DGKA: variants seen among roughly 807,000 people sequenced by gnomAD.
The protein encoded by DGKA is diacylglycerol kinase alpha, also known as 80 kDa diacylglycerol kinase.
DGKA carries 35 observed loss-of-function variants against 105.0 expected under a neutral mutation model. The ratio of observed to expected loss-of-function variants is 0.33; its 90% CI spans 0.25 to 0.44. The LOEUF (loss-of-function observed/expected upper bound fraction) is 0.44. Among genes scored for constraint, DGKA ranks in the 20% least tolerant of loss-of-function variants. The pLI, the probability that DGKA is intolerant of heterozygous loss-of-function variation, is 1.00. For missense variants in DGKA, 665 were observed against 915.0 expected, an observed-to-expected ratio of 0.73 and a Z score of 3.53; for synonymous variants, 296 against 332.0, an observed-to-expected ratio of 0.89 and a Z score of 1.18.
chr12:55,936,134 A>G (rs1453015951), intron 1 of DGKA: 3 of 708,088 alleles, frequency 4.2e-6, no homozygotes, highest in South Asian at 4.2e-5. Flanking sequence ...GCGGGTGGGA[A>G]GGTGAGGGTG....
intron 1 of DGKA, among the ~76,000 whole-genome samples, chr12:55,934,467 C>G (rs562645705): frequency 5.6e-4 from 85 of 152,120 alleles, no homozygotes; most frequent in Non-Finnish European, 9.7e-4. Flanking sequence ...TCCCAGAGAG[C>G]TGCTGGAATA....
chr12:55,937,443 A>C lies in DGKA; in HGVS notation c.174A>C (p.Lys58Asn). Residue 58 changes from lysine (K) to asparagine (N), a missense_variant, in exon 4 of 24, where the codon AAA becomes AAC. Around this residue, in one of 3 missense-constraint regions of DGKA, gnomAD observed 504 missense variants for 681.2 expected, o/e 0.74. Transcript: ENST00000331886. Reference protein sequence around the residue: ...IGYEGFQQFLKIYLEVDNVPR... With the variant: ...IGYEGFQQFLNIYLEVDNVPR... ...ACGAGGGATTCCAGCAATTCCTGAA[A>C]ATCTATCTCGAAGTGGATAATGTTC... The C allele has an allele frequency of 6.2e-7, 1 of 1,614,174 alleles. No homozygotes were observed. The highest frequency in any genetic ancestry group is 8.5e-7 in the Non-Finnish European group (1 of 1,180,032).
intron 9 of DGKA, chr12:55,939,856 C>T: frequency 1.7e-6 from 1 of 594,432 alleles, no homozygotes; most frequent in Non-Finnish European, 3.0e-6. Flanking sequence ...TCAGTTCCTG[C>T]CTGGCACATG....
chr12:55,939,280 T>A lies in DGKA; in HGVS notation c.569T>A (p.Leu190Gln), dbSNP rs768865468. ...CGGGCTGGGGCCACCACCGTGCCAC[T>A]GCTAGTGCTGCTGGGTCTGGAGATG... Reference protein sequence around the residue: ...WVRAGATTVPLLVLLGLEMTL... With the variant: ...WVRAGATTVPQLVLLGLEMTL... The change falls in exon 8 of 24, where the codon CTG becomes CAG. Residue 190 changes from leucine to glutamine, a missense_variant. This residue lies in a region of DGKA where 504 missense variants were observed against 681.2 expected (regional missense o/e 0.74). Coordinates refer to ENST00000331886, the MANE Select transcript of DGKA (RefSeq NM_001345.5). 2.5e-6 allele frequency: 4 copies of A among 1,614,136 alleles called. No homozygotes were observed. The highest frequency in any genetic ancestry group is 2.5e-6 in the Non-Finnish European group (3 of 1,179,994).
At position 55,951,822 on chromosome 12, in the gene DGKA, G is replaced by T. The variant is rs111281132; in HGVS notation, c.1587+39G>T. ...GGCCTGGGGAGAAGGGAGAAAGGGG[G>T]GGCCAAGCAGTCAGAGGCTGGAGGA... On this transcript the variant is annotated intron_variant, in intron 18 of 23. Coordinates refer to ENST00000331886, the MANE Select transcript of DGKA (RefSeq NM_001345.5). 5.0e-4 allele frequency: 801 copies of T among 1,603,416 alleles called. 3 individuals carry two copies. In the African/African-American group the frequency reaches 9.2e-3, roughly 18 times the overall value.
intron 6 of DGKA, 79 bp downstream of exon 6, chr12:55,938,639 G>A: frequency 6.2e-7 from 1 of 1,610,078 alleles, no homozygotes; most frequent in Non-Finnish European, 8.5e-7. Flanking sequence ...CTCTTCCAGG[G>A]TCTTAAGAAA....
At chr12:55,927,678 AC>A (rs1469040906), upstream of DGKA, 1 of 1,536,288 alleles carries the variant, frequency 6.5e-7, no homozygotes, top group African/African-American at 1.4e-5. Context: ...ACCACCAGAG[AC>A]CCGCGGGAGG....
At chr12:55,945,493 T>C (rs1187029186) in intron 17 of DGKA, among the ~76,000 whole-genome samples, 1 of 152,238 alleles carries the variant, frequency 6.6e-6, no homozygotes, top group Non-Finnish European at 1.5e-5. Context: ...CAGTTCTGGA[T>C]GAGAGAAGTC....
intron 23 of DGKA, 80 bp from the exon 24 acceptor site, chr12:55,953,605 A>G: frequency 6.7e-7 from 1 of 1,497,502 alleles, no homozygotes; most frequent in South Asian, 1.1e-5. Context: ...CCCAAACCCC[A>G]CAGATTTCCC....
In DGKA at chr12:55,941,070, G is replaced by A. The variant is rs1205997455; in HGVS notation, c.1101+90G>A. The A allele has an allele frequency of 1.9e-5, 27 of 1,447,630 alleles. No individual in the cohort carries two copies. The Admixed American group carries it at 2.3e-4, about 12-fold the overall frequency. The allele number at this position is 1,447,630 out of a possible 1,614,324, so 89.7% of individuals were successfully genotyped here. ...GGGAATGAAGTGGGAGAGCCTGGTG[G>A]GGAGCGGTTGATGCTCACTCTCCAG... On this transcript the variant is annotated intron_variant, in intron 13 of 23. Transcript: ENST00000331886.
chr12:55,943,158 T>C (rs1886351419), intron 17 of DGKA: 1 of 152,268 alleles, frequency 6.6e-6, no homozygotes, highest in Non-Finnish European at 1.5e-5. Context: ...TTGTTTTGTA[T>C]TAGTTGCCTT....
In DGKA at chr12:55,952,961, G is replaced by A. The variant is rs1315607959; in HGVS notation, c.1942+29G>A. The A allele has an allele frequency of 1.2e-6, 2 of 1,614,074 alleles. No homozygotes were observed. Among genetic ancestry groups the A allele is most frequent in the Admixed American group, 1.7e-5 (1 of 60,024 alleles). ...AGAGGAGCAGCCTTGGGAGCTGAGT[G>A]GGCAGGACGAAGGGAAAGTGTGACT... On this transcript the variant is annotated intron_variant, in intron 21 of 23. Coordinates refer to ENST00000331886, the MANE Select transcript of DGKA (RefSeq NM_001345.5). The surrounding 1 kb of genome is among the most constrained non-coding windows in gnomAD (Gnocchi z 5.1).
chr12:55,940,638 C>A lies in DGKA; in HGVS notation c.933C>A (p.Cys311Ter). The A allele has an allele frequency of 6.3e-7, 1 of 1,583,680 alleles. No homozygotes were observed. The highest frequency in any genetic ancestry group is 8.6e-7 in the Non-Finnish European group (1 of 1,167,698). ...VWCHLEIHDD[C>*]LQAVGHECDC... ...TCGTCTTTCAGATCCACGATGACTG[C>A]CTGCAAGCGGTGGGCCATGAGTGTG... Residue 311 changes from cysteine to a stop codon, truncating the protein, a stop_gained, in exon 12 of 24, where the codon TGC becomes TGA. Coordinates refer to ENST00000331886, the MANE Select transcript of DGKA (RefSeq NM_001345.5). LOFTEE classifies it high-confidence loss of function. The surrounding 1 kb of genome is among the most constrained non-coding windows in gnomAD (Gnocchi z 4.3).
At position 55,940,017 on chromosome 12, in the gene DGKA, T is replaced by C. The variant is rs1045986572; in HGVS notation, c.710-65T>C. 3.5e-6 allele frequency: 5 copies of C among 1,417,170 alleles called. No homozygotes were observed. In the Admixed American group the frequency reaches 6.7e-5, roughly 19 times the overall value. 87.8% of individuals were successfully genotyped at this position (1,417,170 alleles called of 1,614,324 possible). ...TCACATATCTGATCCTGCCTCACCC[T>C]CAGGTAAGAAGGAAATAGGGGGAGA... On this transcript the variant is annotated intron_variant, in intron 9 of 23. Coordinates refer to ENST00000331886, the MANE Select transcript of DGKA (RefSeq NM_001345.5). This position sits in a 1 kb window ranked among gnomAD's most constrained non-coding sequence, Gnocchi z 4.3.
chr12:55,939,103 G>C, intron 7 of DGKA, 83 bp from the exon 8 acceptor site: 1 of 1,604,876 alleles, frequency 6.2e-7, no homozygotes, highest in South Asian at 1.1e-5. Context: ...GGATGGCTGG[G>C]CTGGATATCC....
chr12:55,940,748 G>A lies in DGKA; in HGVS notation c.1017+26G>A. ...GTGAGACCCTCGGCAGCAGCGGGGAGGGGACAGGAGTGCCTCCCCGATTTC... is the reference window on the plus strand; with the variant it reads ...GTGAGACCCTCGGCAGCAGCGGGGAAGGGACAGGAGTGCCTCCCCGATTTC... On this transcript the variant is annotated intron_variant, in intron 12 of 23. Coordinates refer to ENST00000331886, the MANE Select transcript of DGKA (RefSeq NM_001345.5). The surrounding 1 kb of genome is among the most constrained non-coding windows in gnomAD (Gnocchi z 4.3). 1 of 1,611,448 alleles carries A rather than the reference G, an allele frequency of 6.2e-7. No individual in the cohort carries two copies. Among genetic ancestry groups the A allele is most frequent in the Non-Finnish European group, 8.5e-7 (1 of 1,178,578 alleles).
rs184682411 is a variant in DGKA at position 55,941,118 on chromosome 12, G to T, written c.1102-134G>T. 2,048 of 1,340,876 alleles carry T rather than the reference G, an allele frequency of 1.5e-3. 3 individuals carry two copies. Among genetic ancestry groups the T allele is most frequent in the Admixed American group, 1.8e-3 (89 of 49,468 alleles). 83.1% of individuals were successfully genotyped at this position (1,340,876 alleles called of 1,614,324 possible). A position where few individuals can be genotyped will look rare whatever the true frequency, so the allele number is the denominator to read the frequency against. ...CAGAAACTCCACCATGGTAGGGGAGGGAAGGGGAGGGAAACAGGAGGGAGG... is the reference window on the plus strand; with the variant it reads ...CAGAAACTCCACCATGGTAGGGGAGTGAAGGGGAGGGAAACAGGAGGGAGG... On this transcript the variant is annotated intron_variant, in intron 13 of 23. Transcript: ENST00000331886.
rs745582477 is a variant in DGKA at position 55,938,640 on chromosome 12, T to A, written c.399+80T>A. 9 of 1,609,578 alleles carry A rather than the reference T, an allele frequency of 5.6e-6. No homozygotes were observed. In the African/African-American group the frequency reaches 9.4e-5, roughly 17 times the overall value. On this transcript the variant is annotated intron_variant, in intron 6 of 23. Transcript: ENST00000331886. ...CCCTCCTGCCCCAACTCTTCCAGGG[T>A]CTTAAGAAACAGAAGAGGATGGGGG... is the stretch of plus-strand genomic sequence containing the variant.
chr12:55,952,545 C>G lies in DGKA; in HGVS notation c.1743+114C>G. 8.2e-7 allele frequency: 1 copy of G among 1,219,588 alleles called. No individual in the cohort carries two copies. The allele number at this position is 1,219,588 out of a possible 1,614,324, so 75.5% of individuals were successfully genotyped here. On this transcript the variant is annotated intron_variant, in intron 20 of 23. Coordinates refer to ENST00000331886, the MANE Select transcript of DGKA (RefSeq NM_001345.5). This position sits in a 1 kb window ranked among gnomAD's most constrained non-coding sequence, Gnocchi z 5.1. Reference sequence around the variant, plus strand: ...ATTCTTGAACCTATGCTTCTTTAACCTCCCAGCTCTCCTACCCCAATTCTC... The same window carrying G: ...ATTCTTGAACCTATGCTTCTTTAACGTCCCAGCTCTCCTACCCCAATTCTC...
Sources: allele counts gnomAD v4.1 joint callset (sites outside exome capture counted in the v4.1 genomes callset), GRCh38; gene constraint gnomAD v4.1.1; regional missense constraint gnomAD v4.1.1; non-coding constraint Gnocchi (gnomAD v3.1); transcripts MANE v1.5; gene names NCBI Gene and HGNC (gene_info 2026-07-23, HGNC 2026-07-21).